COL6A5: variants seen among roughly 807,000 people sequenced by gnomAD.
COL6A5 encodes the protein collagen type VI alpha 5 chain.
COL6A5 carries 48 observed loss-of-function variants against 65.6 expected under a neutral mutation model. That is an observed-to-expected ratio of 0.73 (90% CI 0.58 to 0.93). The LOEUF is 0.93. Ranked by LOEUF, COL6A5 falls within the 40% of genes least tolerant of loss-of-function variation. The pLI is 0.00. For synonymous variants in COL6A5, 291 were observed against 322.8 expected (o/e 0.90, Z 1.05); for missense variants, 914 against 928.3 (o/e 0.98, Z 0.20).
rs567082105 is a variant in COL6A5 at position 130,413,696 on chromosome 3, C to T, written c.4698+116C>T. 101 of 1,049,590 alleles carry T rather than the reference C, an allele frequency of 9.6e-5. 3 individuals are homozygous for T. Among genetic ancestry groups the T allele is most frequent in the Admixed American group, 5.3e-4 (26 of 49,016 alleles). The allele number at this position is 1,049,590 out of a possible 1,614,324, so 65.0% of individuals were successfully genotyped here. ...ATTTTACAAGGGTATAGGAAGTGCC[C>T]AGTACTGGACGTGATCCCCACTGAC... On this transcript the variant is annotated intron_variant and NMD_transcript_variant, in intron 21 of 41. Transcript: ENST00000312481.
At chr3:130,455,248 G>A (rs1001603717) in intron 4 of COL6A5, among the ~76,000 whole-genome samples, 7 of 151,984 alleles carry the variant, frequency 4.6e-5, no homozygotes, top group African/African-American at 1.7e-4. Context: ...GTGAGAAAAG[G>A]TAGAATAAGT....
intron 5 of COL6A5, among the ~76,000 whole-genome samples, chr3:130,461,336 A>G (rs556052985): frequency 6.6e-6 from 1 of 152,246 alleles, no homozygotes; most frequent in South Asian, 2.1e-4. Flanking sequence ...CACTTGACTG[A>G]TGAACAATGA....
chr3:130,472,042 T>C (rs953824632), intron 7 of COL6A5, 116 bp downstream of exon 40: 2 of 1,024,948 alleles, frequency 2.0e-6, no homozygotes, highest in Non-Finnish European at 2.8e-6. Context: ...AGGATGAGGA[T>C]AAAAGAGGGG....
chr3:130,409,265 C>A, intron 17 of COL6A5, 61 bp from the exon 18 acceptor site: 1 of 1,352,778 alleles, frequency 7.4e-7, no homozygotes, highest in South Asian at 1.5e-5. Flanking sequence ...AAACTTCACA[C>A]TTAACACCAT....
chr3:130,438,793 C>T (rs957518610), intron 1 of COL6A5, among the ~76,000 whole-genome samples: 4 of 152,092 alleles, frequency 2.6e-5, no homozygotes, highest in African/African-American at 9.7e-5. Context: ...CATGGTGCCT[C>T]ACATAGAGTA....
At chr3:130,452,746 G>A (rs184259989) in intron 4 of COL6A5, among the ~76,000 whole-genome samples, 4 of 152,192 alleles carry the variant, frequency 2.6e-5, no homozygotes, top group Admixed American at 2.0e-4. Context: ...AATTTATTAG[G>A]TGGGAATTTC....
At chr3:130,426,370 T>C (rs921460388) in exon 31 of COL6A5, 15 of 1,551,334 alleles carry the variant, frequency 9.7e-6, no homozygotes, top group Non-Finnish European at 1.2e-5. Flanking sequence ...TTTACAGCAA[T>C]GTGATCTGAT....
At chr3:130,370,616 A>G (rs918132737) in intron 1 of COL6A5, among the ~76,000 whole-genome samples, 3 of 152,224 alleles carry the variant, frequency 2.0e-5, no homozygotes, top group Non-Finnish European at 2.9e-5. Flanking sequence ...AACAATAAAA[A>G]AGACAGACTA....
At position 130,484,023 on chromosome 3, in the gene COL6A5, T is replaced by G; in HGVS notation, c.2329-12T>G. Reference sequence around the variant, plus strand: ...TGACATTAAAAGCAGTGAATATTGTTATATTTTGCAGATGGTGAAGATACA... The same window carrying G: ...TGACATTAAAAGCAGTGAATATTGTGATATTTTGCAGATGGTGAAGATACA... On this transcript the variant is annotated splice_polypyrimidine_tract_variant and intron_variant, in intron 7 of 7. Transcript: ENST00000512836. 1 of 1,606,984 alleles carries G rather than the reference T, an allele frequency of 6.2e-7. No homozygotes were observed. The highest frequency in any genetic ancestry group is 1.1e-5 in the South Asian group (1 of 89,430).
intron 27 of COL6A5, among the ~76,000 whole-genome samples, chr3:130,421,955 A>G (rs1307417379): frequency 2.0e-5 from 3 of 152,118 alleles, no homozygotes; most frequent in African/African-American, 4.8e-5. Flanking sequence ...TGTCTGTTTT[A>G]TACATTGGAA....
chr3:130,471,377 T>C (rs1402979227), intron 7 of COL6A5, among the ~76,000 whole-genome samples: 1 of 152,062 alleles, frequency 6.6e-6, no homozygotes, highest in African/African-American at 2.4e-5. Context: ...GCAAAACACA[T>C]ATGAAGATTG....
chr3:130,351,150 A>G (rs1187871067), intron 1 of COL6A5, among the ~76,000 whole-genome samples: 1 of 152,234 alleles, frequency 6.6e-6, no homozygotes, highest in African/African-American at 2.4e-5. Context: ...TACACCTTAT[A>G]CAAAAATTAA....
At chr3:130,422,307 ATAAC>A (rs577799070) in intron 27 of COL6A5, among the ~76,000 whole-genome samples, 96 of 151,970 alleles carry the variant, frequency 6.3e-4, no homozygotes, top group Non-Finnish European at 1.1e-3. Flanking sequence ...ATGTCGATAA[ATAAC>A]TGTCAAAATT....
chr3:130,405,856 AT>A, intron 14 of COL6A5, 136 bp from the exon 15 acceptor site: 1 of 961,664 alleles, frequency 1.0e-6, no homozygotes, highest in Non-Finnish European at 1.6e-6. Flanking sequence ...GCATTAATAA[AT>A]TGCATCTCTA....
intron 4 of COL6A5, among the ~76,000 whole-genome samples, chr3:130,454,966 A>G (rs1709533333): frequency 6.6e-6 from 1 of 151,988 alleles, no homozygotes; most frequent in Admixed American, 6.6e-5. Flanking sequence ...TACAACAAGA[A>G]CCAATCTCTA....
chr3:130,455,599 G>A (rs1193206453), exon 5 of COL6A5: 1 of 1,613,034 alleles, frequency 6.2e-7, no homozygotes, highest in African/African-American at 1.3e-5. Context: ...AAATGTTTGA[G>A]CCACAAAAAT....
At chr3:130,377,350 G>A (rs1449038060) in intron 3 of COL6A5, among the ~76,000 whole-genome samples, 1 of 152,208 alleles carries the variant, frequency 6.6e-6, no homozygotes, top group Non-Finnish European at 1.5e-5. Context: ...GGATCTTACA[G>A]ATAAAGAAAT....
intron 20 of COL6A5, 52 bp from the exon 21 acceptor site, chr3:130,413,493 A>C: frequency 2.0e-6 from 3 of 1,503,936 alleles, no homozygotes; most frequent in Admixed American, 2.0e-5. Context: ...TGCCTCAAGG[A>C]ACCCCTCCAT....
At chr3:130,372,965 T>C (rs1460598073) in intron 1 of COL6A5, among the ~76,000 whole-genome samples, 1 of 152,164 alleles carries the variant, frequency 6.6e-6, no homozygotes, top group Non-Finnish European at 1.5e-5. Flanking sequence ...ATTCCTGAGA[T>C]TTTAATTTCC....
Sources: gnomAD v4.1 joint callset for allele counts (sites outside exome capture counted in the v4.1 genomes callset) on GRCh38, gnomAD v4.1.1 for gene constraint, MANE v1.5 for transcripts, NCBI Gene and HGNC (gene_info 2026-07-23, HGNC 2026-07-21) for gene names.